The following XKR9 variants were observed in gnomAD, a reference collection of about 807,000 sequenced individuals.
XKR9 encodes the protein XK related 9, also known as XK-related protein 9.
In XKR9, 32 loss-of-function variants were observed where a neutral mutation model predicts 32.0. The ratio of observed to expected loss-of-function variants is 1.00; its 90% confidence interval spans 0.76 to 1.34. The LOEUF (loss-of-function observed/expected upper bound fraction) is 1.34. Ranked by LOEUF, XKR9 falls within the 40% of genes most tolerant of loss-of-function variation. The pLI, the probability that XKR9 is intolerant of heterozygous loss-of-function variation, is 0.00. For missense variants in XKR9, 546 were observed against 429.7 expected, an observed-to-expected ratio of 1.27 and a Z score of -2.39; for synonymous variants, 168 against 143.4, an observed-to-expected ratio of 1.17 and a Z score of -1.22.
At chr8:70,742,875 T>G (rs1436924959) in intron 2 of XKR9, among the ~76,000 whole-genome samples, 4 of 152,164 alleles carry the variant, frequency 2.6e-5, no homozygotes. Flanking sequence ...ACTGTGTTCA[T>G]GTGTATAGTA....
chr8:70,984,692 C>T, the XKR9 span, among the ~76,000 whole-genome samples: 3 of 152,172 alleles, frequency 2.0e-5, no homozygotes, highest in South Asian at 6.2e-4. Flanking sequence ...TGCCCCCTGA[C>T]AGAATCACTG....
intron 4 of XKR9, among the ~76,000 whole-genome samples, chr8:70,722,715 G>A (rs914977523): frequency 6.6e-6 from 1 of 152,020 alleles, no homozygotes; most frequent in African/African-American, 2.4e-5. Context: ...CTTTCTCTCT[G>A]GCTGCCCTTA....
At chr8:70,751,570 T>C (rs7842851) in intron 2 of XKR9, among the ~76,000 whole-genome samples, 61,288 of 152,004 alleles carry the variant, frequency 0.4, 13,886 homozygotes, top group Non-Finnish European at 0.52. Context: ...AAGATGTACC[T>C]TCACCCAATA....
the XKR9 span, among the ~76,000 whole-genome samples, chr8:70,869,800 T>C: frequency 6.6e-6 from 1 of 152,120 alleles, no homozygotes; most frequent in Non-Finnish European, 1.5e-5. Context: ...TAAAGTAGGT[T>C]TTAGAGAGGA....
chr8:70,723,361 C>T (rs571967093), intron 4 of XKR9, among the ~76,000 whole-genome samples: 7 of 152,236 alleles, frequency 4.6e-5, no homozygotes, highest in East Asian at 1.9e-4. Flanking sequence ...AGAGGAGCCA[C>T]GATCCTTTGT....
At chr8:71,001,241 A>G in the XKR9 span, among the ~76,000 whole-genome samples, 1 of 152,090 alleles carries the variant, frequency 6.6e-6, no homozygotes, top group Non-Finnish European at 1.5e-5. Flanking sequence ...TAGCTCTGGT[A>G]CTAGTTTGAT....
chr8:70,760,583 C>T (rs1183410881), intron 2 of XKR9, among the ~76,000 whole-genome samples: 1 of 152,206 alleles, frequency 6.6e-6, no homozygotes, highest in Non-Finnish European at 1.5e-5. Flanking sequence ...TGCCACACAA[C>T]CTTCCCCTTA....
the XKR9 span, among the ~76,000 whole-genome samples, chr8:70,977,376 A>G: frequency 1.3e-5 from 2 of 152,052 alleles, no homozygotes; most frequent in Non-Finnish European, 2.9e-5. Context: ...TGCATTTCTC[A>G]TAGCATTTAG....
the XKR9 span, among the ~76,000 whole-genome samples, chr8:70,905,187 T>G: frequency 6.6e-6 from 1 of 151,838 alleles, no homozygotes; most frequent in Non-Finnish European, 1.5e-5. Context: ...GGTTGGGATG[T>G]TCTCCTGGAT....
At chr8:70,940,582 A>G in the XKR9 span, among the ~76,000 whole-genome samples, 1 of 152,220 alleles carries the variant, frequency 6.6e-6, no homozygotes, top group South Asian at 2.1e-4. Flanking sequence ...AAGATAATAA[A>G]TGCTGGTTTT....
the XKR9 span, among the ~76,000 whole-genome samples, chr8:70,917,274 G>A: frequency 6.6e-6 from 1 of 152,082 alleles, no homozygotes; most frequent in African/African-American, 2.4e-5. Flanking sequence ...ACCAAAAATA[G>A]TTTTCCTCTT....
the XKR9 span, among the ~76,000 whole-genome samples, chr8:70,989,936 A>G: frequency 1.3e-5 from 2 of 152,258 alleles, no homozygotes; most frequent in East Asian, 1.9e-4. Flanking sequence ...ATCACACAAT[A>G]TTTGTCATTT....
chr8:70,727,702 G>A (rs747263334), intron 4 of XKR9, among the ~76,000 whole-genome samples: 3 of 152,070 alleles, frequency 2.0e-5, no homozygotes, highest in African/African-American at 7.2e-5. Context: ...CTGGCCTGTG[G>A]ATCAGGGTTT....
At chr8:70,743,577 C>G (rs1179343106) in intron 2 of XKR9, among the ~76,000 whole-genome samples, 1 of 152,086 alleles carries the variant, frequency 6.6e-6, no homozygotes, top group Non-Finnish European at 1.5e-5. Context: ...AAACTCTGAA[C>G]TCTAAACAAT....
chr8:70,984,748 A>T, the XKR9 span, among the ~76,000 whole-genome samples: 173 of 152,342 alleles, frequency 1.1e-3, 1 homozygote, highest in African/African-American at 3.8e-3. Flanking sequence ...CTGAGGTACA[A>T]TGTGGGAATT....
the XKR9 span, among the ~76,000 whole-genome samples, chr8:71,050,266 G>GAA: frequency 1.0e-5 from 1 of 98,522 alleles, no homozygotes; most frequent in African/African-American, 3.6e-5. Flanking sequence ...TATATAGATA[G>GAA]ATAGATAGAT....
Position 70,734,102 on chromosome 8 carries a change from T to A in XKR9, c.800T>A (p.Val267Asp), listed in dbSNP as rs747177686. 6.2e-6 allele frequency: 10 copies of A among 1,612,732 alleles called. No individual in the cohort carries two copies. The highest frequency in any genetic ancestry group is 1.7e-4 in the Middle Eastern group (1 of 6,050). ...ATGGAATTCTTATATAGGATTGTTG[T>A]TGGATTCATTCTTATCTTTACATTT... Reference protein sequence around the residue: ...ISMEFLYRIVVGFILIFTFFN... With the variant: ...ISMEFLYRIVDGFILIFTFFN... The change falls in exon 5 of 5, where the codon GTT (valine) becomes GAT (aspartate). Residue 267 changes from valine to aspartate, a missense_variant. By Grantham distance (152) the Val-to-Asp change is radical (BLOSUM62 -3). Coordinates refer to ENST00000408926, the MANE Select transcript of XKR9 (RefSeq NM_001011720.2).
the XKR9 span, among the ~76,000 whole-genome samples, chr8:70,995,584 C>G: frequency 6.6e-6 from 1 of 152,190 alleles, no homozygotes; most frequent in African/African-American, 2.4e-5. Context: ...TGCTACATCA[C>G]TCCTATATAC....
At chr8:70,714,784 A>C (rs772564660) in intron 4 of XKR9, among the ~76,000 whole-genome samples, 2 of 152,184 alleles carry the variant, frequency 1.3e-5, no homozygotes, top group East Asian at 3.9e-4. Flanking sequence ...GGAGTTCTCT[A>C]TTTTCTTCAC....
Sources: gnomAD v4.1 joint callset for allele counts (sites outside exome capture counted in the v4.1 genomes callset) on GRCh38, gnomAD v4.1.1 for gene constraint, MANE v1.5 for transcripts, NCBI Gene and HGNC (gene_info 2026-07-23, HGNC 2026-07-21) for gene names.